SLC28A1: variants seen among roughly 807,000 people sequenced by gnomAD.
The protein encoded by SLC28A1 is sodium/nucleoside cotransporter 1.
In SLC28A1, 64 loss-of-function variants were observed where a neutral mutation model predicts 74.8. The observed-to-expected ratio is 0.86, with a 90% CI of 0.70 to 1.05. The LOEUF is 1.05. Among genes scored for constraint, SLC28A1 ranks in the 50% least tolerant of loss-of-function variants. SLC28A1 has a pLI of 0.00. For synonymous variants in SLC28A1, 359 were observed against 335.0 expected, an observed-to-expected ratio of 1.07 and a Z score of -0.78; for missense variants, 828 against 822.8, an observed-to-expected ratio of 1.01 and a Z score of -0.08.
chr15:84,958,590 A>G, the SLC28A1 span, among the ~76,000 whole-genome samples: 2 of 152,084 alleles, frequency 1.3e-5, no homozygotes, highest in African/African-American at 2.4e-5. Flanking sequence ...GTCTCATTCT[A>G]TTACCCAGCC....
At chr15:84,964,135 T>C in the SLC28A1 span, among the ~76,000 whole-genome samples, 4 of 152,300 alleles carry the variant, frequency 2.6e-5, no homozygotes, top group Admixed American at 2.6e-4. Context: ...TGTGAAGTCT[T>C]GTTTAATCAT....
the SLC28A1 span, among the ~76,000 whole-genome samples, chr15:84,955,923 AC>A: frequency 6.6e-6 from 1 of 151,934 alleles, no homozygotes; most frequent in African/African-American, 2.4e-5. Flanking sequence ...TCCACAGCGA[AC>A]CCCCAACTTC....
At chr15:84,969,803 C>A in the SLC28A1 span, among the ~76,000 whole-genome samples, 1 of 152,064 alleles carries the variant, frequency 6.6e-6, no homozygotes, top group South Asian at 2.1e-4. Context: ...AATGCAGGAT[C>A]CCAGGGGTCC....
the SLC28A1 span, among the ~76,000 whole-genome samples, chr15:84,957,306 GC>G: frequency 1.3e-5 from 2 of 152,080 alleles, no homozygotes; most frequent in Non-Finnish European, 1.5e-5. Context: ...TCACTCTGTT[GC>G]CCAGACTGGA....
intron 11 of SLC28A1, among the ~76,000 whole-genome samples, chr15:84,922,847 C>A (rs1328698828): frequency 6.6e-6 from 1 of 152,256 alleles, no homozygotes; most frequent in Non-Finnish European, 1.5e-5. Context: ...GAATGCTATG[C>A]TATCAAACCA....
the SLC28A1 span, among the ~76,000 whole-genome samples, chr15:84,958,216 C>T: frequency 3.3e-5 from 5 of 152,084 alleles, no homozygotes; most frequent in South Asian, 4.1e-4. Context: ...CTATAAGGTC[C>T]TATATCTGAT....
At chr15:84,905,940 A>AC (rs1338130701) in intron 8 of SLC28A1, among the ~76,000 whole-genome samples, 2 of 145,824 alleles carry the variant, frequency 1.4e-5, no homozygotes, top group African/African-American at 5.1e-5. Flanking sequence ...CTAAAAAAAA[A>AC]AACCCAAATC....
chr15:84,936,576 T>C (rs1971969470), intron 15 of SLC28A1, among the ~76,000 whole-genome samples: 5 of 152,148 alleles, frequency 3.3e-5, no homozygotes, highest in Admixed American at 1.3e-4. Context: ...ACTGTTAGTA[T>C]AGTGGATTCA....
intron 2 of SLC28A1, among the ~76,000 whole-genome samples, chr15:84,887,150 G>A (rs1454951161): frequency 6.6e-6 from 1 of 152,190 alleles, no homozygotes; most frequent in Non-Finnish European, 1.5e-5. Context: ...TAAGGATGTT[G>A]CACCTCCATC....
chr15:84,969,889 CAGA>C, the SLC28A1 span, among the ~76,000 whole-genome samples: 2,142 of 152,188 alleles, frequency 0.014, 52 homozygotes, highest in African/African-American at 0.049. Flanking sequence ...TCTTTGAAAA[CAGA>C]AGAAGTTGAA....
downstream of SLC28A1, among the ~76,000 whole-genome samples, chr15:84,950,173 G>T (rs1008553464): frequency 6.6e-6 from 1 of 152,102 alleles, no homozygotes; most frequent in Non-Finnish European, 1.5e-5. Flanking sequence ...CCCTGTCTCT[G>T]CTGGGCAAAA....
chr15:84,926,293 G>T (rs1970505344), intron 12 of SLC28A1, among the ~76,000 whole-genome samples: 1 of 151,442 alleles, frequency 6.6e-6, no homozygotes, highest in Non-Finnish European at 1.5e-5. Flanking sequence ...CAAACTCCTG[G>T]ACTCAAGCAA....
chr15:84,955,489 TCGCGC>T, the SLC28A1 span, among the ~76,000 whole-genome samples: 17 of 152,134 alleles, frequency 1.1e-4, no homozygotes, highest in African/African-American at 4.1e-4. Context: ...CTTGGAACAC[TCGCGC>T]TGCAGTCTCC....
the SLC28A1 span, among the ~76,000 whole-genome samples, chr15:84,969,273 G>A: frequency 6.6e-6 from 1 of 152,158 alleles, no homozygotes; most frequent in Non-Finnish European, 1.5e-5. Flanking sequence ...GGCCAGGAGA[G>A]CACCGAATTT....
At chr15:84,949,565 A>ATTTT (rs11318236), downstream of SLC28A1, among the ~76,000 whole-genome samples, 8 of 103,844 alleles carry the variant, frequency 7.7e-5, no homozygotes, top group Non-Finnish European at 9.4e-5. Context: ...TGCCCGGCTA[A>ATTTT]TTTTTTTTTT....
chr15:84,893,697 G>C (rs1365611232), intron 5 of SLC28A1, among the ~76,000 whole-genome samples: 4 of 152,098 alleles, frequency 2.6e-5, no homozygotes, highest in African/African-American at 9.7e-5. Flanking sequence ...GGCTCATTCT[G>C]GTCTCCCGCC....
the SLC28A1 span, among the ~76,000 whole-genome samples, chr15:84,973,117 C>T: frequency 6.6e-6 from 1 of 152,192 alleles, no homozygotes. Flanking sequence ...CACTTAGCCC[C>T]TTGTTTTCTG....
chr15:84,923,352 T>TCCTCCCACCACCTCCTAAAGCCCC (rs574022972), intron 11 of SLC28A1, among the ~76,000 whole-genome samples: 86 of 152,186 alleles, frequency 5.7e-4, no homozygotes, highest in South Asian at 6.2e-4. Flanking sequence ...ATTATCTATA[T>TCCTCCCACCACCTCCTAAAGCCCC]CCTCCCACCC....
chr15:84,935,243 T>A, intron 14 of SLC28A1, 49 bp downstream of exon 14: 1 of 1,612,292 alleles, frequency 6.2e-7, no homozygotes, highest in Non-Finnish European at 8.5e-7. Flanking sequence ...TGGCCCCAGG[T>A]GGGTGGTGAG....
Sources: allele counts gnomAD v4.1 joint callset (sites outside exome capture counted in the v4.1 genomes callset), GRCh38; gene constraint gnomAD v4.1.1; transcripts MANE v1.5; gene names NCBI Gene and HGNC (gene_info 2026-07-23, HGNC 2026-07-21).